Variants in GPHN observed in about 807,000 individuals in gnomAD.
GPHN encodes the protein gephyrin.
A neutral mutation model predicts 95.5 loss-of-function variants in GPHN; 17 were observed. The ratio of observed to expected loss-of-function variants is 0.18; its 90% CI spans 0.12 to 0.27. GPHN has a LOEUF of 0.27. Among genes scored for constraint, GPHN ranks in the 10% least tolerant of loss-of-function variants. The pLI is 1.00. For synonymous variants in GPHN, 320 were observed against 322.5 expected, an observed-to-expected ratio of 0.99 and a Z score of 0.08; for missense variants, 660 against 978.1, an observed-to-expected ratio of 0.67 and a Z score of 4.34.
At chr14:66,958,877 T>G (rs1369111027) in intron 8 of GPHN, among the ~76,000 whole-genome samples, 2 of 152,170 alleles carry the variant, frequency 1.3e-5, no homozygotes, top group Non-Finnish European at 2.9e-5. Flanking sequence ...ATTTTGCTAT[T>G]TTTATATAAT....
At chr14:66,954,366 G>T (rs1188445927) in intron 8 of GPHN, among the ~76,000 whole-genome samples, 2 of 152,008 alleles carry the variant, frequency 1.3e-5, no homozygotes, top group African/African-American at 4.8e-5. Context: ...AATTTACTCT[G>T]CATATTTTAT....
At chr14:66,604,883 A>G (rs1452746094) in intron 1 of GPHN, among the ~76,000 whole-genome samples, 1 of 126,038 alleles carries the variant, frequency 7.9e-6, no homozygotes, top group Non-Finnish European at 1.6e-5. Flanking sequence ...ACAACTCTAA[A>G]TGTCTATTGT....
chr14:66,794,182 G>C (rs1173511368), intron 3 of GPHN, among the ~76,000 whole-genome samples: 4 of 152,124 alleles, frequency 2.6e-5, no homozygotes, highest in Admixed American at 1.3e-4. Context: ...GGAGGTGACT[G>C]GATCATGAGG....
At chr14:67,708,776 G>A in the GPHN span, among the ~76,000 whole-genome samples, 18,932 of 150,750 alleles carry the variant, frequency 0.13, 1,455 homozygotes, top group South Asian at 0.34. Flanking sequence ...CGGACTCTAG[G>A]GAACCTATTA....
the GPHN span, among the ~76,000 whole-genome samples, chr14:67,500,612 C>T: frequency 6.6e-6 from 1 of 150,758 alleles, no homozygotes; most frequent in South Asian, 2.1e-4. Flanking sequence ...CGCTCTGTCC[C>T]CCAGGCTGGA....
At chr14:67,090,531 C>A (rs2077105638) in intron 12 of GPHN, among the ~76,000 whole-genome samples, 1 of 152,014 alleles carries the variant, frequency 6.6e-6, no homozygotes, top group Non-Finnish European at 1.5e-5. Flanking sequence ...TGGGTCCCAT[C>A]CACAAGATAT....
At chr14:67,288,962 TC>T in the GPHN span, among the ~76,000 whole-genome samples, 2 of 128,398 alleles carry the variant, frequency 1.6e-5, no homozygotes, top group Non-Finnish European at 3.2e-5. Context: ...TTTCTTTATT[TC>T]CTTTTTTTTT....
intron 1 of GPHN, among the ~76,000 whole-genome samples, chr14:66,671,083 A>T (rs1057480556): frequency 3.3e-5 from 5 of 152,238 alleles, no homozygotes; most frequent in Non-Finnish European, 7.3e-5. Flanking sequence ...GCACATGTTC[A>T]TCTGTTAATG....
At chr14:67,082,783 A>G (rs1432251471) in intron 11 of GPHN, among the ~76,000 whole-genome samples, 1 of 152,144 alleles carries the variant, frequency 6.6e-6, no homozygotes, top group Non-Finnish European at 1.5e-5. Flanking sequence ...TACTTCTTTC[A>G]GCAATGTTTA....
At chr14:66,735,932 G>A (rs1301386741) in intron 2 of GPHN, among the ~76,000 whole-genome samples, 1 of 151,980 alleles carries the variant, frequency 6.6e-6, no homozygotes, top group Non-Finnish European at 1.5e-5. Flanking sequence ...ATATAATGAT[G>A]ATCTTCCCAT....
chr14:66,694,203 A>C (rs2067976354), intron 2 of GPHN, among the ~76,000 whole-genome samples: 1 of 152,096 alleles, frequency 6.6e-6, no homozygotes, highest in African/African-American at 2.4e-5. Context: ...TCCCTAATAA[A>C]AGAGGCCTGA....
chr14:66,999,464 T>C (rs117119206), intron 9 of GPHN, among the ~76,000 whole-genome samples: 1 of 152,028 alleles, frequency 6.6e-6, no homozygotes, highest in Non-Finnish European at 1.5e-5. Flanking sequence ...TTTATTGTTA[T>C]GTAATTTATT....
intron 2 of GPHN, among the ~76,000 whole-genome samples, chr14:66,693,143 A>G (rs6573708): frequency 0.31 from 47,804 of 151,956 alleles, 11,517 homozygotes; most frequent in African/African-American, 0.65. Flanking sequence ...TTTACATTTT[A>G]TAAATCTCTA....
chr14:67,358,234 C>A, the GPHN span, among the ~76,000 whole-genome samples: 27 of 152,174 alleles, frequency 1.8e-4, 1 homozygote, highest in Admixed American at 1.8e-3. Context: ...GTTGTCACTA[C>A]CTCGGGATAG....
chr14:66,684,892 C>T (rs1394886272), intron 2 of GPHN, among the ~76,000 whole-genome samples: 1 of 151,944 alleles, frequency 6.6e-6, no homozygotes, highest in Non-Finnish European at 1.5e-5. Flanking sequence ...TAATGCTGTC[C>T]CTCCCCTCTC....
intron 3 of GPHN, among the ~76,000 whole-genome samples, chr14:66,800,682 T>C (rs190309411): frequency 6.6e-6 from 1 of 152,220 alleles, no homozygotes; most frequent in African/African-American, 2.4e-5. Context: ...AATCTTAGGG[T>C]TCAATCTGCT....
chr14:66,762,861 A>T (rs575275632), intron 2 of GPHN, among the ~76,000 whole-genome samples: 1 of 152,312 alleles, frequency 6.6e-6, no homozygotes, highest in African/African-American at 2.4e-5. Flanking sequence ...ACTAAGGATG[A>T]CTGTATTTAC....
chr14:66,683,793 C>A (rs962575246), intron 2 of GPHN, among the ~76,000 whole-genome samples: 2 of 151,392 alleles, frequency 1.3e-5, no homozygotes, highest in Non-Finnish European at 2.9e-5. Context: ...CTGGCTAACA[C>A]GGTGAAACCC....
intron 1 of GPHN, among the ~76,000 whole-genome samples, chr14:66,614,578 CTT>C (rs58001259): frequency 2.5e-4 from 35 of 137,924 alleles, no homozygotes; most frequent in Non-Finnish European, 3.0e-4. Flanking sequence ...AAAACTTTAG[CTT>C]TTTTTTTTTT....
Sources: allele counts gnomAD v4.1 joint callset (sites outside exome capture counted in the v4.1 genomes callset), GRCh38; gene constraint gnomAD v4.1.1; transcripts MANE v1.5; gene names NCBI Gene and HGNC (gene_info 2026-07-23, HGNC 2026-07-21).